The following RBFOX1 variants were observed in gnomAD, a reference collection of about 807,000 sequenced individuals.
RBFOX1 encodes RNA binding protein fox-1 homolog 1.
In RBFOX1, 8 loss-of-function variants were observed where a neutral mutation model predicts 57.7. The ratio of observed to expected loss-of-function variants is 0.14; its 90% confidence interval spans 0.08 to 0.25. RBFOX1 has a LOEUF of 0.25. Among genes scored for constraint, RBFOX1 ranks in the 10% least tolerant of loss-of-function variants. RBFOX1 has a pLI of 1.00. For synonymous variants in RBFOX1, 326 were observed against 222.4 expected (o/e 1.47, Z -4.15); for missense variants, 611 against 548.5 (o/e 1.11, Z -1.14).
chr16:5,812,205 G>A (rs2055457712), intron 3 of RBFOX1, among the ~76,000 whole-genome samples: 1 of 152,150 alleles, frequency 6.6e-6, no homozygotes, highest in Non-Finnish European at 1.5e-5. Context: ...ATAGACACTT[G>A]GTTTATTTAC....
intron 4 of RBFOX1, among the ~76,000 whole-genome samples, chr16:5,908,938 C>T (rs898191575): frequency 6.6e-6 from 1 of 152,032 alleles, no homozygotes; most frequent in African/African-American, 2.4e-5. Context: ...TGTCTGTCAA[C>T]AGGGGAAGTG....
At chr16:5,397,432 A>G (rs1443808906) in intron 1 of RBFOX1, among the ~76,000 whole-genome samples, 2 of 152,200 alleles carry the variant, frequency 1.3e-5, no homozygotes, top group Non-Finnish European at 1.5e-5. Flanking sequence ...ACCTGAAACC[A>G]TGAGACCATG....
intron 3 of RBFOX1, among the ~76,000 whole-genome samples, chr16:6,885,585 G>A (rs976844479): frequency 2.6e-5 from 4 of 151,942 alleles, no homozygotes; most frequent in African/African-American, 4.8e-5. Flanking sequence ...AGGCTGGAGT[G>A]TAATGGCACA....
At chr16:6,791,545 G>C (rs1395531537) in intron 3 of RBFOX1, among the ~76,000 whole-genome samples, 1 of 152,140 alleles carries the variant, frequency 6.6e-6, no homozygotes, top group Non-Finnish European at 1.5e-5. Flanking sequence ...GATCTCTTGA[G>C]GTCAGGAGTT....
chr16:7,012,976 C>G (rs2093723279), intron 3 of RBFOX1, among the ~76,000 whole-genome samples: 1 of 152,084 alleles, frequency 6.6e-6, no homozygotes, highest in Admixed American at 6.5e-5. Context: ...CTCAATGTGT[C>G]TTCAGTGGCG....
chr16:7,268,781 C>T (rs1476460197), intron 4 of RBFOX1, among the ~76,000 whole-genome samples: 4 of 152,052 alleles, frequency 2.6e-5, no homozygotes, highest in Non-Finnish European at 5.9e-5. Flanking sequence ...CGCCTGTAAT[C>T]ACAGCACTTT....
intron 2 of RBFOX1, among the ~76,000 whole-genome samples, chr16:5,565,106 T>G (rs1332758150): frequency 6.6e-6 from 1 of 152,068 alleles, no homozygotes; most frequent in Non-Finnish European, 1.5e-5. Context: ...CACGTGGGGT[T>G]TGTTACCATG....
At chr16:7,378,534 C>G (rs556317173) in intron 4 of RBFOX1, among the ~76,000 whole-genome samples, 1 of 152,190 alleles carries the variant, frequency 6.6e-6, no homozygotes, top group Non-Finnish European at 1.5e-5. Flanking sequence ...TATGTCATTT[C>G]TACCAAGCCA....
intron 2 of RBFOX1, chr16:6,483,373 C>T (rs915213287): frequency 4.0e-6 from 6 of 1,510,820 alleles, no homozygotes; most frequent in Non-Finnish European, 5.3e-6. Context: ...CGAAGGCGCG[C>T]GGCGCGCACG....
At chr16:5,319,030 G>A (rs969983311) in intron 1 of RBFOX1, among the ~76,000 whole-genome samples, 81 of 152,274 alleles carry the variant, frequency 5.3e-4, no homozygotes, top group African/African-American at 1.4e-3. Flanking sequence ...GGGAGGCTGA[G>A]GCAGGAGAAT....
chr16:7,214,515 C>T (rs958439684), intron 4 of RBFOX1, among the ~76,000 whole-genome samples: 9 of 152,018 alleles, frequency 5.9e-5, no homozygotes, highest in African/African-American at 2.2e-4. Flanking sequence ...GTCCAAACCT[C>T]ATCCGTCTCT....
At chr16:5,451,830 A>G (rs1482183797) in intron 1 of RBFOX1, among the ~76,000 whole-genome samples, 2 of 151,804 alleles carry the variant, frequency 1.3e-5, no homozygotes, top group Non-Finnish European at 2.9e-5. Flanking sequence ...TTTACTTTGC[A>G]TACTCTCTGG....
intron 1 of RBFOX1, among the ~76,000 whole-genome samples, chr16:5,365,487 G>A (rs185258900): frequency 6.6e-6 from 1 of 152,238 alleles, no homozygotes; most frequent in Admixed American, 6.5e-5. Context: ...GGCCAACCTG[G>A]TGAAACCCTC....
chr16:5,285,875 G>A (rs1041366928), intron 1 of RBFOX1, among the ~76,000 whole-genome samples: 28 of 152,066 alleles, frequency 1.8e-4, no homozygotes, highest in Admixed American at 3.3e-4. Flanking sequence ...GGGTTCAAGC[G>A]ATTCTCCTGC....
intron 2 of RBFOX1, among the ~76,000 whole-genome samples, chr16:5,555,385 G>C (rs1465387676): frequency 6.6e-6 from 1 of 151,952 alleles, no homozygotes; most frequent in Non-Finnish European, 1.5e-5. Flanking sequence ...CGAGTAGCTG[G>C]GACTACAGGC....
intron 3 of RBFOX1, among the ~76,000 whole-genome samples, chr16:6,969,893 C>G (rs1426126818): frequency 6.6e-6 from 1 of 152,142 alleles, no homozygotes; most frequent in African/African-American, 2.4e-5. Flanking sequence ...AATGTTGTGT[C>G]ACTTGAGACT....
intron 4 of RBFOX1, among the ~76,000 whole-genome samples, chr16:7,374,898 C>G (rs1236848271): frequency 6.6e-6 from 1 of 152,130 alleles, no homozygotes; most frequent in Non-Finnish European, 1.5e-5. Flanking sequence ...TCTTCCATGA[C>G]CTGCCAGCAC....
chr16:5,439,610 G>A (rs536931716), intron 1 of RBFOX1, among the ~76,000 whole-genome samples: 74 of 152,056 alleles, frequency 4.9e-4, no homozygotes, highest in Non-Finnish European at 2.5e-4. Flanking sequence ...GAGATTTTTG[G>A]TTTGAGCGAT....
chr16:6,092,179 A>G (rs1370823945), intron 1 of RBFOX1, among the ~76,000 whole-genome samples: 2 of 152,226 alleles, frequency 1.3e-5, no homozygotes, highest in Non-Finnish European at 2.9e-5. Context: ...TATCATGAGA[A>G]TAATAAAAGC....
Sources: allele counts gnomAD v4.1 joint callset (sites outside exome capture counted in the v4.1 genomes callset), GRCh38; gene constraint gnomAD v4.1.1; transcripts MANE v1.5; gene names NCBI Gene and HGNC (gene_info 2026-07-23, HGNC 2026-07-21).